The following CCDC141 variants were observed in gnomAD, a reference collection of about 807,000 sequenced individuals.
The protein encoded by CCDC141 is coiled-coil domain containing 141.
Under a neutral mutation model 181.0 loss-of-function variants are expected in CCDC141, and 168 were observed. The ratio of observed to expected loss-of-function variants is 0.93; its 90% CI spans 0.82 to 1.05. CCDC141 has a LOEUF of 1.05. Among genes scored for constraint, CCDC141 ranks in the 50% least tolerant of loss-of-function variants. The pLI is 0.00. For missense variants in CCDC141, 1,902 were observed against 1,788.5 expected, an observed-to-expected ratio of 1.06 and a Z score of -1.14; for synonymous variants, 666 against 642.3, an observed-to-expected ratio of 1.04 and a Z score of -0.56.
chr2:178,950,598 G>A (rs1278491081), intron 5 of CCDC141, among the ~76,000 whole-genome samples: 2 of 152,188 alleles, frequency 1.3e-5, no homozygotes, highest in African/African-American at 2.4e-5. Flanking sequence ...TTCTGGGACT[G>A]ATCTAGTTAT....
rs539461408 is a variant in CCDC141 at position 178,833,948 on chromosome 2, A to C, written c.*225T>G. 1.9e-6 allele frequency: 1 copy of C among 517,842 alleles called. No homozygotes were observed. Among genetic ancestry groups the C allele is most frequent in the Admixed American group, 3.3e-5 (1 of 30,700 alleles). 32.1% of individuals were successfully genotyped at this position (517,842 alleles called of 1,614,324 possible). On this transcript the variant is annotated 3_prime_UTR_variant, in exon 24 of 24. Coordinates refer to ENST00000443758, the MANE Select transcript of CCDC141 (RefSeq NM_173648.4). ...AAAACATCTGTTTCTAGAGTACAAA[A>C]ATCTGTTCTTATCCACTACAGATAA...
chr2:178,880,321 C>T (rs1686537384), intron 11 of CCDC141, among the ~76,000 whole-genome samples: 1 of 152,116 alleles, frequency 6.6e-6, no homozygotes. Context: ...TGCTTTATTA[C>T]ACTTGTCAAA....
intron 2 of CCDC141, among the ~76,000 whole-genome samples, chr2:179,000,575 G>A (rs1251555104): frequency 6.6e-6 from 1 of 152,092 alleles, no homozygotes; most frequent in African/African-American, 2.4e-5. Flanking sequence ...AATATTTTTA[G>A]TGGCTATTTA....
chr2:178,842,077 A>G (rs979264866), intron 22 of CCDC141, among the ~76,000 whole-genome samples: 2 of 152,238 alleles, frequency 1.3e-5, no homozygotes, highest in East Asian at 3.8e-4. Context: ...TTACCAAAAA[A>G]AAAATGTGTG....
chr2:178,941,616 A>C (rs1014716448), intron 6 of CCDC141, among the ~76,000 whole-genome samples: 2 of 152,080 alleles, frequency 1.3e-5, no homozygotes, highest in Non-Finnish European at 2.9e-5. Flanking sequence ...CACATAAATA[A>C]ATAAAAAAAG....
intron 19 of CCDC141, 83 bp downstream of exon 19, chr2:178,855,264 G>A (rs950095866): frequency 4.7e-6 from 5 of 1,066,406 alleles, no homozygotes; most frequent in African/African-American, 3.2e-5. Flanking sequence ...GAGAATAACA[G>A]CTAATGCAAC....
At chr2:178,878,670 G>A (rs779818821) in intron 11 of CCDC141, among the ~76,000 whole-genome samples, 98 of 152,108 alleles carry the variant, frequency 6.4e-4, no homozygotes, top group Non-Finnish European at 1.1e-3. Flanking sequence ...TTATTGAAAA[G>A]ATTCAAAAAA....
chr2:179,043,556 C>T (rs918835845), intron 2 of CCDC141, among the ~76,000 whole-genome samples: 1 of 152,160 alleles, frequency 6.6e-6, no homozygotes, highest in South Asian at 2.1e-4. Flanking sequence ...ATTACATAAA[C>T]AGAACTAAAG....
At chr2:178,843,577 T>C (rs1684816772) in intron 22 of CCDC141, among the ~76,000 whole-genome samples, 1 of 152,186 alleles carries the variant, frequency 6.6e-6, no homozygotes, top group Non-Finnish European at 1.5e-5. Flanking sequence ...GTCTGAAAAA[T>C]GAGAAGTACT....
chr2:179,000,028 A>G (rs1275174985), intron 2 of CCDC141, among the ~76,000 whole-genome samples: 5 of 150,388 alleles, frequency 3.3e-5, no homozygotes, highest in Admixed American at 1.4e-4. Context: ...ATTGCTCATG[A>G]TTCCACTGCT....
the CCDC141 span, among the ~76,000 whole-genome samples, chr2:178,824,085 C>A: frequency 1.3e-5 from 2 of 151,966 alleles, no homozygotes; most frequent in East Asian, 3.9e-4. Flanking sequence ...CACACACACA[C>A]ACACGTATAG....
At chr2:178,991,673 A>C (rs1224668997) in intron 2 of CCDC141, among the ~76,000 whole-genome samples, 1 of 152,138 alleles carries the variant, frequency 6.6e-6, no homozygotes, top group East Asian at 1.9e-4. Context: ...AACTAAAAGT[A>C]AAGATTTTTA....
intron 22 of CCDC141, 85 bp from the exon 23 acceptor site, chr2:178,837,829 G>A: frequency 6.9e-7 from 1 of 1,441,322 alleles, no homozygotes; most frequent in South Asian, 1.4e-5. Flanking sequence ...ACTTCAGAGA[G>A]ATAACTCGAG....
intron 2 of CCDC141, among the ~76,000 whole-genome samples, chr2:179,032,036 C>T (rs752333741): frequency 1.3e-5 from 2 of 152,182 alleles, no homozygotes; most frequent in East Asian, 1.9e-4. Context: ...AGTTATAGAG[C>T]TGAAAGGTGA....
At chr2:178,877,281 G>A (rs1686394744) in intron 12 of CCDC141, 1 of 152,144 alleles carries the variant, frequency 6.6e-6, no homozygotes, top group African/African-American at 2.4e-5. Flanking sequence ...TTTTGTCCCT[G>A]TGTAGCTACA....
At chr2:178,931,423 A>C (rs1689090918) in intron 6 of CCDC141, among the ~76,000 whole-genome samples, 1 of 152,320 alleles carries the variant, frequency 6.6e-6, no homozygotes, top group Admixed American at 6.5e-5. Context: ...AACAACCCAA[A>C]TGCCTATCAA....
intron 2 of CCDC141, among the ~76,000 whole-genome samples, chr2:179,014,339 A>T (rs2042362537): frequency 6.6e-6 from 1 of 152,108 alleles, no homozygotes; most frequent in African/African-American, 2.4e-5. Flanking sequence ...CACTGGAAAA[A>T]CCCTTCTAGA....
intron 21 of CCDC141, among the ~76,000 whole-genome samples, chr2:178,846,572 C>T (rs1255102883): frequency 6.6e-6 from 1 of 152,188 alleles, no homozygotes; most frequent in Non-Finnish European, 1.5e-5. Context: ...CTTTCAGTCC[C>T]AACTCTAAAC....
intron 7 of CCDC141, among the ~76,000 whole-genome samples, chr2:178,909,247 G>A (rs565698866): frequency 1.8e-4 from 27 of 151,372 alleles, no homozygotes; most frequent in African/African-American, 6.3e-4. Context: ...GACAAAGATA[G>A]CCCATAATGA....
Sources: gnomAD v4.1 joint callset for allele counts (sites outside exome capture counted in the v4.1 genomes callset) on GRCh38, gnomAD v4.1.1 for gene constraint, MANE v1.5 for transcripts, NCBI Gene and HGNC (gene_info 2026-07-23, HGNC 2026-07-21) for gene names.